The following RIC1 variants were observed in gnomAD, a reference collection of about 807,000 sequenced individuals.
RIC1 encodes the protein RIC1 partner of RAB6A GEF complex.
RIC1 carries 88 observed loss-of-function variants against 169.0 expected under a neutral mutation model. The ratio of observed to expected loss-of-function variants is 0.52; its 90% CI spans 0.44 to 0.62. The LOEUF is 0.62. Among genes scored for constraint, RIC1 ranks in the 20% least tolerant of loss-of-function variants. The probability of loss-of-function intolerance (pLI) is 0.00; values close to 1 mark genes in which losing one functional copy is unlikely to be tolerated. For synonymous variants in RIC1, 790 were observed against 601.5 expected, an observed-to-expected ratio of 1.31 and a Z score of -4.59; for missense variants, 1,877 against 1,725.5, an observed-to-expected ratio of 1.09 and a Z score of -1.56.
At chr9:5,725,092 C>T (rs180749647) in intron 6 of RIC1, among the ~76,000 whole-genome samples, 4 of 152,182 alleles carry the variant, frequency 2.6e-5, no homozygotes. Flanking sequence ...AGGGAGGGTT[C>T]CCTCTTTTTC....
Position 5,650,603 on chromosome 9 carries a change from T to C in RIC1, c.145-5980T>C, listed in dbSNP as rs562909601. Among the ~76,000 whole-genome samples the C allele has an allele frequency of 3.3e-5, 5 of 152,040 alleles. No individual in the cohort carries two copies. The South Asian group carries it at 1.0e-3, about 32-fold the overall frequency. On this transcript the variant is annotated intron_variant, in intron 1 of 25. Coordinates refer to ENST00000414202, the MANE Select transcript of RIC1 (RefSeq NM_020829.4). Reference sequence around the variant, plus strand: ...TTTGCTCCAAGCAGTGTCAGGAACATTGACACTGGCATGCTGGGAGATTCT... The same window carrying C: ...TTTGCTCCAAGCAGTGTCAGGAACACTGACACTGGCATGCTGGGAGATTCT...
chr9:5,672,192 A>G (rs1201360820), intron 2 of RIC1, among the ~76,000 whole-genome samples: 2 of 152,212 alleles, frequency 1.3e-5, no homozygotes, highest in Non-Finnish European at 2.9e-5. Context: ...TTGCATTGCC[A>G]GATACCCACA....
At chr9:5,717,628 T>A (rs1022597441) in intron 4 of RIC1, among the ~76,000 whole-genome samples, 7 of 152,120 alleles carry the variant, frequency 4.6e-5, no homozygotes, top group Non-Finnish European at 1.0e-4. Context: ...GTGGATCACC[T>A]GAGGTCAGGA....
Position 5,629,384 on chromosome 9 carries a change from T to G in RIC1, c.75T>G (p.Val25=). 6.5e-7 allele frequency: 1 copy of G among 1,534,362 alleles called. No individual in the cohort carries two copies. Among genetic ancestry groups the G allele is most frequent in the Non-Finnish European group, 8.7e-7 (1 of 1,146,206 alleles). Residue 25 remains valine, a synonymous_variant, in exon 1 of 26, where the codon GTT becomes GTG. Coordinates refer to ENST00000414202, the MANE Select transcript of RIC1 (RefSeq NM_020829.4). ...GCCCGGCCGAGGCGCCTTTCCACGT[T>G]CAGTCCGACCCGCAGAGGGCTTTCT... ...LGSPAEAPFH[V]QSDPQRAFFA...
intron 6 of RIC1, 71 bp downstream of exon 6, chr9:5,720,821 C>T: frequency 1.5e-6 from 2 of 1,295,330 alleles, no homozygotes; most frequent in Non-Finnish European, 2.1e-6. Context: ...TCAAATTCTT[C>T]TCTATTTTCA....
chr9:5,635,447 T>C (rs1236524700), intron 1 of RIC1, among the ~76,000 whole-genome samples: 1 of 152,186 alleles, frequency 6.6e-6, no homozygotes, highest in African/African-American at 2.4e-5. Context: ...TGTTGCAAGA[T>C]GTGTTTTCTC....
At chr9:5,739,628 C>T (rs1205701816) in intron 8 of RIC1, among the ~76,000 whole-genome samples, 1 of 152,184 alleles carries the variant, frequency 6.6e-6, no homozygotes, top group African/African-American at 2.4e-5. Context: ...TGCCTGGCGA[C>T]TGCCTCAGGG....
intron 2 of RIC1, among the ~76,000 whole-genome samples, chr9:5,689,004 A>G (rs568476460): frequency 8.3e-5 from 12 of 144,560 alleles, no homozygotes; most frequent in Admixed American, 8.2e-4. Context: ...ACGCAGATGT[A>G]TGTCATGATC....
downstream of RIC1, among the ~76,000 whole-genome samples, chr9:5,778,386 C>T (rs1476932961): frequency 6.6e-6 from 1 of 152,160 alleles, no homozygotes; most frequent in South Asian, 2.1e-4. Context: ...CCTTTTCTTT[C>T]TTTCTCCTGC....
In RIC1 at chr9:5,762,558, C is replaced by T. The variant is rs1283508233; in HGVS notation, c.2010C>T (p.Ser670=). ...KMPQQARGAE[S]IMLNLAGQLI... ...AATTTCAGGCTCGTGGTGCAGAGAGCATTATGTTAAACCTGGCAGGACAGC... is the reference window on the plus strand; with the variant it reads ...AATTTCAGGCTCGTGGTGCAGAGAGTATTATGTTAAACCTGGCAGGACAGC... Residue 670 remains serine (S), a synonymous_variant, in exon 18 of 26, where the codon AGC becomes AGT. Coordinates refer to ENST00000414202, the MANE Select transcript of RIC1 (RefSeq NM_020829.4). 6.2e-7 allele frequency: 1 copy of T among 1,613,862 alleles called. No individual in the cohort carries two copies. Among genetic ancestry groups the T allele is most frequent in the Non-Finnish European group, 8.5e-7 (1 of 1,179,844 alleles).
intron 1 of RIC1, among the ~76,000 whole-genome samples, chr9:5,644,503 TAC>T (rs1326477494): frequency 1.3e-5 from 2 of 152,240 alleles, no homozygotes; most frequent in Non-Finnish European, 2.9e-5. Context: ...ATGTGCATTG[TAC>T]ACATAAGTAA....
intron 1 of RIC1, among the ~76,000 whole-genome samples, chr9:5,652,698 T>TC (rs1448247551): frequency 1.3e-5 from 2 of 152,174 alleles, no homozygotes; most frequent in African/African-American, 4.8e-5. Context: ...TTTATTCTTT[T>TC]TTTTTTCTTG....
intron 2 of RIC1, among the ~76,000 whole-genome samples, chr9:5,674,271 T>C (rs1166123550): frequency 6.6e-6 from 1 of 151,994 alleles, no homozygotes; most frequent in African/African-American, 2.4e-5. Context: ...AAAAAAAAAA[T>C]TTAACAAAAA....
At position 5,763,834 on chromosome 9, in the gene RIC1, T is replaced by G. The variant is rs142245373; in HGVS notation, c.2807T>G (p.Leu936Trp). 7 of 1,613,954 alleles carry G rather than the reference T, an allele frequency of 4.3e-6. No individual in the cohort carries two copies. Among genetic ancestry groups the G allele is most frequent in the Admixed American group, 1.7e-5 (1 of 60,006 alleles). Residue 936 changes from leucine to tryptophan, a missense_variant, in exon 19 of 26, where the codon TTG (leucine) becomes TGG (tryptophan). Transcript: ENST00000414202. This position sits in a 1 kb window ranked among gnomAD's most constrained non-coding sequence, Gnocchi z 5.2. ...LFEECLMAQD[L>W]DTAASYLIIL... ...GAGGAGTGTTTGATGGCTCAGGATTTGGACACAGCTGCCTCTTACCTTATT... is the reference window on the plus strand; with the variant it reads ...GAGGAGTGTTTGATGGCTCAGGATTGGGACACAGCTGCCTCTTACCTTATT...
chr9:5,638,434 A>C (rs957497806), intron 1 of RIC1, among the ~76,000 whole-genome samples: 1 of 152,108 alleles, frequency 6.6e-6, no homozygotes, highest in African/African-American at 2.4e-5. Flanking sequence ...TCTTCTTTAA[A>C]TGTTTGTTGG....
At chr9:5,673,559 A>ATAT (rs1554663256) in intron 2 of RIC1, among the ~76,000 whole-genome samples, 37 of 92,698 alleles carry the variant, frequency 4.0e-4, no homozygotes, top group African/African-American at 1.7e-3. Context: ...TATATATATA[A>ATAT]ATAAATGTTG....
intron 7 of RIC1, among the ~76,000 whole-genome samples, chr9:5,734,043 G>T (rs1563935865): frequency 6.9e-6 from 1 of 144,552 alleles, no homozygotes; most frequent in African/African-American, 2.5e-5. Flanking sequence ...ATATATTTTA[G>T]ATATATATAT....
intron 6 of RIC1, among the ~76,000 whole-genome samples, chr9:5,724,857 C>A (rs576727952): frequency 1.3e-4 from 20 of 151,980 alleles, no homozygotes; most frequent in African/African-American, 4.6e-4. Context: ...GCTGTATTAC[C>A]GTTATTGATT....
At chr9:5,638,465 AG>A (rs1396537318) in intron 1 of RIC1, among the ~76,000 whole-genome samples, 2 of 152,118 alleles carry the variant, frequency 1.3e-5, no homozygotes, top group African/African-American at 4.8e-5. Context: ...TGAAACCACT[AG>A]GTCTTGGGCT....
Sources: allele counts gnomAD v4.1 joint callset (sites outside exome capture counted in the v4.1 genomes callset), GRCh38; gene constraint gnomAD v4.1.1; non-coding constraint Gnocchi (gnomAD v3.1); transcripts MANE v1.5; gene names NCBI Gene and HGNC (gene_info 2026-07-23, HGNC 2026-07-21).